WNK3: variants seen among roughly 807,000 people sequenced by gnomAD.
WNK3 encodes serine/threonine-protein kinase WNK3.
Under a neutral mutation model 116.7 loss-of-function variants are expected in WNK3, and 18 were observed. The ratio of observed to expected loss-of-function variants is 0.15; its 90% CI spans 0.11 to 0.23. The LOEUF (loss-of-function observed/expected upper bound fraction) is 0.23, where lower values mean the gene tolerates loss of function less well. WNK3 is among the 10% of genes least tolerant of loss of function. The pLI is 1.00. For synonymous variants in WNK3, 404 were observed against 469.4 expected (o/e 0.86, Z 1.80); for missense variants, 993 against 1,323.8 (o/e 0.75, Z 3.88).
chrX:54,308,762 C>T (rs2068854365), intron 4 of WNK3, among the ~76,000 whole-genome samples: 1 of 111,347 alleles, frequency 9.0e-6, no homozygotes, highest in South Asian at 3.8e-4. Flanking sequence ...CTGAAAAAAG[C>T]CAATATATAA....
chrX:54,252,894 T>C (rs1229272467), intron 13 of WNK3, among the ~76,000 whole-genome samples: 1 of 108,705 alleles, frequency 9.2e-6, no homozygotes, highest in Non-Finnish European at 1.9e-5. Flanking sequence ...GCCATCCTAG[T>C]CCCATCCCCA....
At chrX:54,243,490 T>C (rs1215619172) in intron 17 of WNK3, among the ~76,000 whole-genome samples, 3 of 78,430 alleles carry the variant, frequency 3.8e-5, no homozygotes, top group East Asian at 4.2e-4. Context: ...AATTAAAAAA[T>C]AGGCAAAGGA....
In WNK3 at chrX:54,333,455, T is replaced by C. The variant is rs1603400088; in HGVS notation, c.219A>G (p.Glu73=). The change falls in exon 2 of 24, where the codon GAA becomes GAG. Residue 73 remains glutamate (E), a synonymous_variant. Transcript: ENST00000354646. ...TAATTCTCTCATCTTTGGGGGATGATTCGGCAACTTTGTCATCTTCCGTCA... is the reference window on the plus strand; with the variant it reads ...TAATTCTCTCATCTTTGGGGGATGACTCGGCAACTTTGTCATCTTCCGTCA... 1 of 1,211,373 alleles carries C rather than the reference T, an allele frequency of 8.3e-7. No homozygotes were observed. Among genetic ancestry groups the C allele is most frequent in the Non-Finnish European group, 1.1e-6 (1 of 895,015 alleles).
At chrX:54,352,018 A>G (rs1557178589) in intron 1 of WNK3, among the ~76,000 whole-genome samples, 1 of 112,086 alleles carries the variant, frequency 8.9e-6, no homozygotes, top group Admixed American at 9.6e-5. Context: ...TCTAGACTGT[A>G]TATTTTTTAA....
chrX:54,284,595 A>T (rs1170751920), intron 10 of WNK3, among the ~76,000 whole-genome samples: 3 of 112,364 alleles, frequency 2.7e-5, no homozygotes, highest in Non-Finnish European at 5.6e-5. Flanking sequence ...CCAAAACCAG[A>T]AATCACTTAG....
chrX:54,300,442 A>T (rs1009069744), intron 6 of WNK3, among the ~76,000 whole-genome samples: 2 of 111,850 alleles, frequency 1.8e-5, no homozygotes, highest in African/African-American at 3.2e-5. Context: ...TTACAGGTAT[A>T]AGCCACTACC....
chrX:54,238,874 G>A (rs1230331380), exon 18 of WNK3: 27 of 1,167,031 alleles, frequency 2.3e-5, no homozygotes, highest in African/African-American at 3.6e-5. Context: ...CTACCTTGAC[G>A]GACTTTTGAT....
At chrX:54,253,516 C>T (rs1390853868) in intron 13 of WNK3, among the ~76,000 whole-genome samples, 2 of 111,081 alleles carry the variant, frequency 1.8e-5, no homozygotes, top group African/African-American at 6.6e-5. Flanking sequence ...ATCCTCCTGC[C>T]TAGGCCTCCC....
At chrX:54,250,983 CATT>C (rs1250661247) in intron 15 of WNK3, among the ~76,000 whole-genome samples, 3 of 111,605 alleles carry the variant, frequency 2.7e-5, no homozygotes, top group Non-Finnish European at 5.6e-5. Context: ...AGAAGCATAT[CATT>C]CATCGTTAGT....
At position 54,276,451 on chromosome X, in the gene WNK3, A is replaced by G. The variant is rs146815758; in HGVS notation, c.2037+16437T>C. On this transcript the variant is annotated intron_variant, in intron 10 of 23. Coordinates refer to ENST00000354646, the Ensembl canonical transcript of WNK3. ...CACTCTCAGCAATTAATAATAGAAA[A>G]TTAACAAAGACATAAAACTGAACTA... 4.7e-3 allele frequency among the ~76,000 whole-genome samples: 531 copies of G among 111,914 alleles called. 2 individuals carry two copies. Among genetic ancestry groups the G allele is most frequent in the African/African-American group, 0.016 (497 of 30,865 alleles).
chrX:54,342,506 C>T (rs1401951185), intron 1 of WNK3, among the ~76,000 whole-genome samples: 5 of 101,236 alleles, frequency 4.9e-5, no homozygotes, highest in African/African-American at 1.5e-4. Context: ...GCAGAGGTTG[C>T]GGTGAGCCAA....
chrX:54,235,052 T>C (rs1478252628), intron 20 of WNK3, among the ~76,000 whole-genome samples: 7 of 111,902 alleles, frequency 6.3e-5, no homozygotes, highest in African/African-American at 1.3e-4. Context: ...ATTTAAAGTA[T>C]ATATTCACAA....
chrX:54,206,804 T>C (rs1343327718), intron 22 of WNK3, among the ~76,000 whole-genome samples: 2 of 111,946 alleles, frequency 1.8e-5, no homozygotes, highest in Non-Finnish European at 3.8e-5. Context: ...CCGAGGTGGC[T>C]GGATCACATG....
chrX:54,248,884 C>T (rs1557153310), exon 17 of WNK3: 1 of 1,209,779 alleles, frequency 8.3e-7, no homozygotes, highest in African/African-American at 1.8e-5. Context: ...TGTCACTGGA[C>T]AGGAGAGGGT....
chrX:54,316,311 G>T (rs2147196010), intron 2 of WNK3, among the ~76,000 whole-genome samples: 1 of 109,953 alleles, frequency 9.1e-6, no homozygotes, highest in African/African-American at 3.3e-5. Context: ...GGCCAAGATG[G>T]GTGGATCACC....
chrX:54,225,558 T>C (rs1195703284), intron 22 of WNK3, among the ~76,000 whole-genome samples: 1 of 104,916 alleles, frequency 9.5e-6, no homozygotes, highest in Non-Finnish European at 1.9e-5. Flanking sequence ...GAGGCAGAGG[T>C]TGCAGTAAGT....
chrX:54,347,699 T>C (rs868941614), intron 1 of WNK3, among the ~76,000 whole-genome samples: 2 of 97,406 alleles, frequency 2.1e-5, no homozygotes, highest in African/African-American at 9.1e-5. Flanking sequence ...TATATACACA[T>C]ATATATATAC....
intron 1 of WNK3, among the ~76,000 whole-genome samples, chrX:54,351,881 C>T (rs782507942): frequency 8.9e-6 from 1 of 111,735 alleles, no homozygotes; most frequent in Non-Finnish European, 1.9e-5. Context: ...CACTGCACTC[C>T]AGCCTGGGTG....
intron 10 of WNK3, among the ~76,000 whole-genome samples, chrX:54,267,443 A>T (rs902866476): frequency 7.2e-5 from 8 of 110,876 alleles, no homozygotes; most frequent in Admixed American, 5.8e-4. Context: ...GAGTCAAAAG[A>T]CATGCTGATA....
Sources: allele counts gnomAD v4.1 joint callset (sites outside exome capture counted in the v4.1 genomes callset), GRCh38; gene constraint gnomAD v4.1.1; transcripts MANE v1.5; gene names NCBI Gene and HGNC (gene_info 2026-07-23, HGNC 2026-07-21).